The following KCNH1 variants were observed in gnomAD, a reference collection of about 807,000 sequenced individuals.
KCNH1 encodes the protein potassium voltage-gated channel subfamily H member 1, also known as voltage-gated delayed rectifier potassium channel KCNH1.
KCNH1 carries 27 observed loss-of-function variants against 69.2 expected under a neutral mutation model. That is an observed-to-expected ratio of 0.39 (90% confidence interval 0.29 to 0.54). The LOEUF (loss-of-function observed/expected upper bound fraction) is 0.54, where lower values mean the gene tolerates loss of function less well. Among genes scored for constraint, KCNH1 ranks in the 20% least tolerant of loss-of-function variants. The probability of loss-of-function intolerance (pLI) is 0.68; values close to 1 mark genes in which losing one functional copy is unlikely to be tolerated. For missense variants in KCNH1, 798 were observed against 1,261.6 expected, an observed-to-expected ratio of 0.63 and a Z score of 5.57; for synonymous variants, 456 against 487.7, an observed-to-expected ratio of 0.93 and a Z score of 0.86.
intron 7 of KCNH1, among the ~76,000 whole-genome samples, chr1:210,806,822 A>ATATATATATATATATATATAT (rs1553346543): frequency 5.0e-4 from 21 of 42,108 alleles, no homozygotes; most frequent in East Asian, 1.7e-3. Context: ...AAAAAAAAAA[A>ATATATATATATATATATATAT]AAAAAAAAAA....
chr1:211,002,992 C>T (rs1423431320), intron 6 of KCNH1, among the ~76,000 whole-genome samples: 1 of 152,086 alleles, frequency 6.6e-6, no homozygotes, highest in Non-Finnish European at 1.5e-5. Context: ...CCAAATTTTG[C>T]CAGTGGCCTG....
chr1:210,917,301 C>CAG (rs371088743), intron 7 of KCNH1, among the ~76,000 whole-genome samples: 8 of 143,712 alleles, frequency 5.6e-5, no homozygotes, highest in African/African-American at 7.8e-5. Flanking sequence ...AAGAGAAACA[C>CAG]AGAGAGAGAG....
intron 10 of KCNH1, among the ~76,000 whole-genome samples, chr1:210,699,695 T>C (rs1371041502): frequency 6.6e-6 from 1 of 152,204 alleles, no homozygotes; most frequent in Admixed American, 6.5e-5. Context: ...CAATGACATT[T>C]CAAAAATGTT....
intron 9 of KCNH1, among the ~76,000 whole-genome samples, chr1:210,787,214 A>G (rs1032456313): frequency 6.7e-6 from 1 of 148,966 alleles, no homozygotes; most frequent in Non-Finnish European, 1.5e-5. Flanking sequence ...GCTTCTCCCT[A>G]TTCCTGGAAC....
chr1:210,765,054 A>C (rs1398256376), intron 10 of KCNH1, among the ~76,000 whole-genome samples: 1 of 152,236 alleles, frequency 6.6e-6, no homozygotes, highest in Non-Finnish European at 1.5e-5. Flanking sequence ...TGTCCTTTGC[A>C]GCAACATAAA....
chr1:210,712,594 T>A (rs1253346779), intron 10 of KCNH1, among the ~76,000 whole-genome samples: 3 of 152,224 alleles, frequency 2.0e-5, no homozygotes, highest in Admixed American at 6.5e-5. Flanking sequence ...TTTTTCCTTC[T>A]GCTGGTATGA....
At chr1:210,873,465 A>T (rs1686294584) in intron 7 of KCNH1, among the ~76,000 whole-genome samples, 1 of 152,098 alleles carries the variant, frequency 6.6e-6, no homozygotes, top group Non-Finnish European at 1.5e-5. Context: ...CTCTCTCCTC[A>T]GCCTACCATG....
At chr1:210,964,854 A>G (rs548803834) in intron 6 of KCNH1, among the ~76,000 whole-genome samples, 37 of 152,320 alleles carry the variant, frequency 2.4e-4, no homozygotes, top group African/African-American at 8.9e-4. Flanking sequence ...AATCCTCAAT[A>G]AAATACTGGC....
chr1:210,860,813 T>G (rs1024722388), intron 7 of KCNH1: 34 of 888,628 alleles, frequency 3.8e-5, no homozygotes, highest in Non-Finnish European at 6.3e-5. Context: ...TTCTGATCAC[T>G]TTTGAACTTT....
chr1:210,905,606 G>T (rs1687085280), intron 7 of KCNH1, among the ~76,000 whole-genome samples: 1 of 151,948 alleles, frequency 6.6e-6, no homozygotes, highest in African/African-American at 2.4e-5. Flanking sequence ...CACATTGACA[G>T]CTTAGAGCAA....
chr1:210,830,622 G>A (rs1262693599), intron 7 of KCNH1, among the ~76,000 whole-genome samples: 1 of 152,132 alleles, frequency 6.6e-6, no homozygotes, highest in Non-Finnish European at 1.5e-5. Flanking sequence ...AAAATAAACA[G>A]CAAAGGCAAA....
intron 6 of KCNH1, among the ~76,000 whole-genome samples, chr1:211,001,479 A>G (rs1571568254): frequency 2.0e-5 from 3 of 152,222 alleles, no homozygotes; most frequent in Non-Finnish European, 1.5e-5. Flanking sequence ...ATCCCACACC[A>G]GTTAGAATGG....
At chr1:210,892,558 T>C (rs1411461347) in intron 7 of KCNH1, among the ~76,000 whole-genome samples, 1 of 152,110 alleles carries the variant, frequency 6.6e-6, no homozygotes, top group African/African-American at 2.4e-5. Context: ...CATTTATCTA[T>C]GTAAAAATGT....
chr1:210,843,286 T>C (rs1456053655), intron 7 of KCNH1, among the ~76,000 whole-genome samples: 1 of 152,172 alleles, frequency 6.6e-6, no homozygotes, highest in Admixed American at 6.6e-5. Flanking sequence ...CCATTAATGA[T>C]ACTAACAGTG....
chr1:210,706,320 T>C (rs950778010), intron 10 of KCNH1, among the ~76,000 whole-genome samples: 6 of 152,210 alleles, frequency 3.9e-5, no homozygotes, highest in African/African-American at 1.4e-4. Context: ...CTGTGCCCCT[T>C]CTGAGTCCCC....
intron 6 of KCNH1, among the ~76,000 whole-genome samples, chr1:211,017,967 G>C (rs1571582118): frequency 6.6e-6 from 1 of 152,134 alleles, no homozygotes; most frequent in African/African-American, 2.4e-5. Context: ...TCTGGGGGAA[G>C]TGGGGTGGTG....
rs114354018 is a variant in KCNH1, at chr1:211,055,812, C to T, written c.558+26968G>A. Among the ~76,000 whole-genome samples the T allele has an allele frequency of 8.5e-3, 1,300 of 152,268 alleles. 18 individuals carry two copies. Among genetic ancestry groups the T allele is most frequent in the African/African-American group, 0.029 (1,209 of 41,540 alleles). On this transcript the variant is annotated intron_variant, in intron 5 of 10. Coordinates refer to ENST00000271751, the MANE Select transcript of KCNH1 (RefSeq NM_172362.3). ...ACAACACTTCTAGACACACCATGGG[C>T]CAGAAGGGAACCTGATGCCTTGAAC...
chr1:211,029,166 C>CAAAAAAA (rs34291308), intron 5 of KCNH1, among the ~76,000 whole-genome samples: 1 of 52,692 alleles, frequency 1.9e-5, no homozygotes, highest in African/African-American at 6.7e-5. Flanking sequence ...CCCATCTCTA[C>CAAAAAAA]AAAAAAAAAA....
At chr1:211,099,056 T>C (rs189703032) in intron 3 of KCNH1, among the ~76,000 whole-genome samples, 2 of 152,330 alleles carry the variant, frequency 1.3e-5, no homozygotes, top group Non-Finnish European at 2.9e-5. Context: ...AGCATTCTTT[T>C]TAATAATGAA....
Sources: allele counts gnomAD v4.1 joint callset (sites outside exome capture counted in the v4.1 genomes callset), GRCh38; gene constraint gnomAD v4.1.1; transcripts MANE v1.5; gene names NCBI Gene and HGNC (gene_info 2026-07-23, HGNC 2026-07-21).